Variants in SAMD12 observed in about 807,000 individuals in gnomAD.
SAMD12 encodes sterile alpha motif domain-containing protein 12.
SAMD12 carries 9 observed loss-of-function variants against 15.0 expected under a neutral mutation model. The observed-to-expected ratio is 0.60, with a 90% CI of 0.36 to 1.05. The LOEUF (loss-of-function observed/expected upper bound fraction) is 1.05. Among genes scored for constraint, SAMD12 ranks in the 50% least tolerant of loss-of-function variants. The pLI is 0.01. For missense variants in SAMD12, 230 were observed against 234.2 expected (o/e 0.98, Z 0.12); for synonymous variants, 86 against 90.1 (o/e 0.96, Z 0.25).
intron 1 of SAMD12, among the ~76,000 whole-genome samples, chr8:118,607,298 C>A (rs998358633): frequency 2.6e-5 from 4 of 151,988 alleles, no homozygotes; most frequent in Non-Finnish European, 4.4e-5. Flanking sequence ...TACAATGGCA[C>A]AATCTCGGCT....
chr8:118,258,287 T>C (rs1023880817), intron 4 of SAMD12, among the ~76,000 whole-genome samples: 1 of 152,154 alleles, frequency 6.6e-6, no homozygotes, highest in African/African-American at 2.4e-5. Flanking sequence ...TCTCTCTATC[T>C]GTAACATGAA....
At chr8:118,487,130 G>T (rs903204630) in intron 2 of SAMD12, among the ~76,000 whole-genome samples, 1 of 152,168 alleles carries the variant, frequency 6.6e-6, no homozygotes, top group African/African-American at 2.4e-5. Flanking sequence ...CAGCACAAGT[G>T]TTCATAAAGG....
chr8:118,138,319 A>G, the SAMD12 span, among the ~76,000 whole-genome samples: 1 of 152,224 alleles, frequency 6.6e-6, no homozygotes, highest in Admixed American at 6.5e-5. Flanking sequence ...CTGAATGTTT[A>G]TATGTGCCCC....
downstream of SAMD12, among the ~76,000 whole-genome samples, chr8:118,373,115 T>G (rs1156899697): frequency 1.3e-5 from 2 of 152,130 alleles, no homozygotes; most frequent in Non-Finnish European, 2.9e-5. Context: ...AATACTTGCA[T>G]AACTGTGCAC....
chr8:118,162,566 G>C, the SAMD12 span, among the ~76,000 whole-genome samples: 12 of 152,150 alleles, frequency 7.9e-5, no homozygotes, highest in African/African-American at 2.9e-4. Flanking sequence ...ACTTATTCAG[G>C]TAGAGATGTC....
At chr8:118,345,093 C>T (rs1817568440) in intron 4 of SAMD12, among the ~76,000 whole-genome samples, 2 of 152,118 alleles carry the variant, frequency 1.3e-5, no homozygotes, top group East Asian at 1.9e-4. Flanking sequence ...ACGGTAAATG[C>T]CCTATACGAG....
chr8:118,251,325 C>T lies in SAMD12; in HGVS notation c.434-53593G>A, dbSNP rs532007995. On this transcript the variant is annotated intron_variant, in intron 4 of 4. Coordinates refer to the SAMD12 transcript ENST00000409003. Reference sequence around the variant, plus strand: ...AGTCCACACATAACACAGAGAAGCACCAGGCATCTCAAATGATAGCAGAAT... The same window carrying T: ...AGTCCACACATAACACAGAGAAGCATCAGGCATCTCAAATGATAGCAGAAT... Among the ~76,000 whole-genome samples the T allele has an allele frequency of 5.3e-4, 80 of 152,178 alleles. 3 individuals carry two copies. In the South Asian group the frequency reaches 0.016, roughly 31 times the overall value.
intron 4 of SAMD12, among the ~76,000 whole-genome samples, chr8:118,354,349 C>A (rs1014980249): frequency 6.6e-6 from 1 of 152,086 alleles, no homozygotes; most frequent in Non-Finnish European, 1.5e-5. Context: ...TTCAGAAAGC[C>A]TCTCTCATCT....
the SAMD12 span, among the ~76,000 whole-genome samples, chr8:118,168,263 A>C: frequency 6.6e-6 from 1 of 152,282 alleles, no homozygotes; most frequent in East Asian, 1.9e-4. Context: ...GTTTGGCCAA[A>C]GGAGGGACCA....
At chr8:118,568,492 A>G (rs1240241578) in intron 2 of SAMD12, among the ~76,000 whole-genome samples, 1 of 152,204 alleles carries the variant, frequency 6.6e-6, no homozygotes, top group Non-Finnish European at 1.5e-5. Context: ...TGACTCACAC[A>G]TTAACAAGAT....
At chr8:118,584,083 A>G (rs534161473) in intron 1 of SAMD12, among the ~76,000 whole-genome samples, 1 of 152,330 alleles carries the variant, frequency 6.6e-6, no homozygotes, top group South Asian at 2.1e-4. Flanking sequence ...TTCAAAATGT[A>G]AGGTATCTAT....
rs139233575 is a variant in SAMD12 at position 118,285,741 on chromosome 8, T to C, written c.434-88009A>G. Among the ~76,000 whole-genome samples, 578 of 152,344 alleles carry C rather than the reference T, an allele frequency of 3.8e-3. 7 individuals are homozygous for C. Among genetic ancestry groups the C allele is most frequent in the African/African-American group, 0.01 (435 of 41,586 alleles). On this transcript the variant is annotated intron_variant, in intron 4 of 4. Transcript: ENST00000409003. ...ATAATTTAGCAATCTCATGGAGCTA[T>C]TGAACAGACTGAATAGGATACTATA...
chr8:118,414,269 T>C (rs1366055685), intron 3 of SAMD12, among the ~76,000 whole-genome samples: 1 of 152,220 alleles, frequency 6.6e-6, no homozygotes, highest in Non-Finnish European at 1.5e-5. Context: ...CCAAGAACCA[T>C]AACAAGTGTT....
intron 3 of SAMD12, among the ~76,000 whole-genome samples, chr8:118,423,313 G>T (rs1647747626): frequency 6.6e-6 from 1 of 152,056 alleles, no homozygotes; most frequent in South Asian, 2.1e-4. Context: ...AATGTCTTCG[G>T]GACTCAGGCG....
rs150310850 is a variant in SAMD12, at chr8:118,265,895, A to G, written c.434-68163T>C. Among the ~76,000 whole-genome samples, 761 of 152,238 alleles carry G rather than the reference A, an allele frequency of 5.0e-3. 7 individuals are homozygous for G. Among genetic ancestry groups the G allele is most frequent in the African/African-American group, 0.017 (718 of 41,562 alleles). Reference sequence around the variant, plus strand: ...GGCTGCATATCCAAGACTGTACGACATCATACAATATAAGACAATAAGGTA... The same window carrying G: ...GGCTGCATATCCAAGACTGTACGACGTCATACAATATAAGACAATAAGGTA... On this transcript the variant is annotated intron_variant, in intron 4 of 4. Coordinates refer to the SAMD12 transcript ENST00000409003.
exon 5 of SAMD12, chr8:118,195,609 A>T (rs1314452544): frequency 6.6e-6 from 1 of 152,290 alleles, no homozygotes; most frequent in Non-Finnish European, 1.5e-5. Context: ...GTCTGCTGCC[A>T]TGTTCTTCTT....
At chr8:118,229,225 C>T (rs981399627) in intron 4 of SAMD12, among the ~76,000 whole-genome samples, 5 of 151,866 alleles carry the variant, frequency 3.3e-5, no homozygotes, top group Admixed American at 3.3e-4. Context: ...TCACAAATCA[C>T]CACCAAATAA....
In SAMD12 at chr8:118,439,888, T is replaced by C; in HGVS notation, c.266A>G (p.His89Arg). The C allele has an allele frequency of 6.2e-7, 1 of 1,613,730 alleles. No individual in the cohort carries two copies. The highest frequency in any genetic ancestry group is 8.5e-7 in the Non-Finnish European group (1 of 1,179,652). The change falls in exon 3 of 4, where the codon CAT (histidine) becomes CGT (arginine). Residue 89 changes from histidine to arginine, a missense_variant. Physicochemically the swap from His to Arg is conservative, Grantham distance 29 (BLOSUM62 0). Transcript: ENST00000314727. Reference sequence around the variant, plus strand: ...GTAGATCTGATACTGATTCGGACAATGTTTCTTCAACCACTTGCAGACATC... The same window carrying C: ...GTAGATCTGATACTGATTCGGACAACGTTTCTTCAACCACTTGCAGACATC... ...QQDVCKWLKKHCPNQYQIYSE... is the reference protein window; with the variant it reads ...QQDVCKWLKKRCPNQYQIYSE...
At chr8:118,490,056 G>T (rs1047585743) in intron 2 of SAMD12, among the ~76,000 whole-genome samples, 3 of 152,088 alleles carry the variant, frequency 2.0e-5, no homozygotes, top group African/African-American at 7.2e-5. Flanking sequence ...GATAGGAAAG[G>T]TCTTTATTGA....
Sources: gnomAD v4.1 joint callset for allele counts (sites outside exome capture counted in the v4.1 genomes callset) on GRCh38, gnomAD v4.1.1 for gene constraint, MANE v1.5 for transcripts, NCBI Gene and HGNC (gene_info 2026-07-23, HGNC 2026-07-21) for gene names.